The following CDYL2 variants were observed in gnomAD, a reference collection of about 807,000 sequenced individuals.
CDYL2 encodes chromodomain Y-like protein 2.
CDYL2 carries 23 observed loss-of-function variants against 49.4 expected under a neutral mutation model. That is an observed-to-expected ratio of 0.47 (90% CI 0.34 to 0.66). CDYL2 has a LOEUF of 0.66. Ranked by LOEUF, CDYL2 falls within the 30% of genes least tolerant of loss-of-function variation. CDYL2 has a pLI of 0.01. For missense variants in CDYL2, 678 were observed against 656.4 expected, an observed-to-expected ratio of 1.03 and a Z score of -0.36; for synonymous variants, 360 against 268.8, an observed-to-expected ratio of 1.34 and a Z score of -3.32.
At chr16:80,796,938 T>C (rs568925927) in intron 1 of CDYL2, among the ~76,000 whole-genome samples, 5 of 152,242 alleles carry the variant, frequency 3.3e-5, no homozygotes, top group African/African-American at 7.2e-5. Flanking sequence ...CCAAAGGACA[T>C]TATTAACCAT....
At chr16:80,700,661 G>C (rs188175844) in intron 1 of CDYL2, among the ~76,000 whole-genome samples, 1 of 152,352 alleles carries the variant, frequency 6.6e-6, no homozygotes, top group Admixed American at 6.5e-5. Context: ...TGGCAAGGAT[G>C]TGGGCATACG....
In CDYL2 at chr16:80,804,266, T is replaced by C. The variant is rs1220716269; in HGVS notation, c.-93A>G. 3.0e-5 allele frequency: 34 copies of C among 1,149,010 alleles called. No homozygotes were observed. The East Asian group carries it at 7.8e-4, about 26-fold the overall frequency. The allele number at this position is 1,149,010 out of a possible 1,614,324, so 71.2% of individuals were successfully genotyped here. On this transcript the variant is annotated 5_prime_UTR_variant, in exon 1 of 7. Coordinates refer to ENST00000570137, the MANE Select transcript of CDYL2 (RefSeq NM_152342.4). Reference sequence around the variant, plus strand: ...GCGGGGTCCGGTGTGCGCGTGTGTGTGCGCGCGTGTGTGTGCGAGTGTGTG... The same window carrying C: ...GCGGGGTCCGGTGTGCGCGTGTGTGCGCGCGCGTGTGTGTGCGAGTGTGTG...
chr16:80,725,108 A>G (rs1905121940), intron 1 of CDYL2, among the ~76,000 whole-genome samples: 1 of 152,100 alleles, frequency 6.6e-6, no homozygotes. Flanking sequence ...CCCACCACAG[A>G]GCCTTGGTGG....
chr16:80,719,605 T>TA (rs1212392097), intron 1 of CDYL2, among the ~76,000 whole-genome samples: 1 of 152,182 alleles, frequency 6.6e-6, no homozygotes, highest in Non-Finnish European at 1.5e-5. Context: ...GCCAACAACT[T>TA]AGAATTGAGA....
intron 1 of CDYL2, among the ~76,000 whole-genome samples, chr16:80,697,890 A>C (rs1343253452): frequency 6.6e-6 from 1 of 152,178 alleles, no homozygotes; most frequent in Non-Finnish European, 1.5e-5. Context: ...TGGTGGAAAA[A>C]ATTAAAGATA....
chr16:80,752,595 C>G (rs187122587), intron 1 of CDYL2, among the ~76,000 whole-genome samples: 66 of 152,316 alleles, frequency 4.3e-4, no homozygotes, highest in African/African-American at 1.4e-3. Context: ...ATAAAACCAA[C>G]AGAAGAGCTA....
intron 2 of CDYL2, among the ~76,000 whole-genome samples, chr16:80,664,761 G>T (rs1909190135): frequency 6.6e-6 from 1 of 152,114 alleles, no homozygotes; most frequent in Non-Finnish European, 1.5e-5. Context: ...TCCTGGAACA[G>T]CCACCTACTG....
chr16:80,747,428 C>T (rs959540637), intron 1 of CDYL2, among the ~76,000 whole-genome samples: 2 of 152,108 alleles, frequency 1.3e-5, no homozygotes, highest in Admixed American at 6.5e-5. Flanking sequence ...AAGAAGATAT[C>T]GCATGCAAAG....
At chr16:80,667,251 G>C (rs116322054) in intron 2 of CDYL2, among the ~76,000 whole-genome samples, 2 of 152,208 alleles carry the variant, frequency 1.3e-5, no homozygotes, top group East Asian at 3.9e-4. Context: ...TGGTTCTTAA[G>C]ACAAGCCTGA....
intron 2 of CDYL2, among the ~76,000 whole-genome samples, chr16:80,645,538 T>G (rs192463004): frequency 0.023 from 3,455 of 152,228 alleles, 137 homozygotes; most frequent in African/African-American, 0.077. Flanking sequence ...CTGTTGGTGG[T>G]ACTGTAAACT....
intron 2 of CDYL2, among the ~76,000 whole-genome samples, chr16:80,642,174 G>A (rs909888252): frequency 6.6e-6 from 1 of 152,214 alleles, no homozygotes; most frequent in Admixed American, 6.5e-5. Flanking sequence ...CGGGTGTGGT[G>A]GCTCACGCCT....
At chr16:80,666,883 G>T (rs1258069336) in intron 2 of CDYL2, among the ~76,000 whole-genome samples, 1 of 152,170 alleles carries the variant, frequency 6.6e-6, no homozygotes, top group Non-Finnish European at 1.5e-5. Context: ...CACCTGCTAA[G>T]TGCCCAGCAT....
chr16:80,676,039 G>T (rs1401571195), intron 2 of CDYL2, among the ~76,000 whole-genome samples: 1 of 152,144 alleles, frequency 6.6e-6, no homozygotes, highest in African/African-American at 2.4e-5. Flanking sequence ...CAGGAGCCAA[G>T]CGGGGAGAAT....
chr16:80,720,335 C>A (rs1225864433), intron 1 of CDYL2, among the ~76,000 whole-genome samples: 1 of 152,206 alleles, frequency 6.6e-6, no homozygotes, highest in African/African-American at 2.4e-5. Flanking sequence ...AAACTAGGCA[C>A]TGGGTTTTGC....
intron 2 of CDYL2, among the ~76,000 whole-genome samples, chr16:80,644,855 C>G (rs907196206): frequency 6.5e-4 from 99 of 151,852 alleles, no homozygotes; most frequent in African/African-American, 2.2e-3. Context: ...ACCATCTGAT[C>G]TTTGACAAAC....
chr16:80,728,539 G>C (rs1364200796), intron 1 of CDYL2, among the ~76,000 whole-genome samples: 1 of 152,190 alleles, frequency 6.6e-6, no homozygotes, highest in African/African-American at 2.4e-5. Flanking sequence ...TATCATCCAG[G>C]AGAACTTGCC....
intron 1 of CDYL2, among the ~76,000 whole-genome samples, chr16:80,719,391 A>G (rs1263589605): frequency 1.3e-5 from 2 of 152,174 alleles, no homozygotes; most frequent in African/African-American, 2.4e-5. Flanking sequence ...TTGCTGTATT[A>G]AGTGAGTGCA....
intron 4 of CDYL2, among the ~76,000 whole-genome samples, chr16:80,617,763 T>C (rs873994): frequency 0.34 from 52,414 of 152,128 alleles, 12,295 homozygotes; most frequent in African/African-American, 0.67. Context: ...TCTTTCCTCA[T>C]ACTCATCCCC....
chr16:80,716,374 C>A (rs544614629), intron 1 of CDYL2, among the ~76,000 whole-genome samples: 1 of 152,190 alleles, frequency 6.6e-6, no homozygotes, highest in Non-Finnish European at 1.5e-5. Flanking sequence ...TCCTGACATA[C>A]TGGATGGCTG....
Sources: allele counts gnomAD v4.1 joint callset (sites outside exome capture counted in the v4.1 genomes callset), GRCh38; gene constraint gnomAD v4.1.1; transcripts MANE v1.5; gene names NCBI Gene and HGNC (gene_info 2026-07-23, HGNC 2026-07-21).